PBX3: variants seen among roughly 807,000 people sequenced by gnomAD.
PBX3 encodes pre-B-cell leukemia transcription factor 3.
Under a neutral mutation model 48.5 loss-of-function variants are expected in PBX3, and 14 were observed. That is an observed-to-expected ratio of 0.29 (90% confidence interval 0.19 to 0.45). PBX3 has a LOEUF of 0.45. Ranked by LOEUF, PBX3 falls within the 20% of genes least tolerant of loss-of-function variation. The pLI is 1.00. For missense variants in PBX3, 386 were observed against 546.7 expected, an observed-to-expected ratio of 0.71 and a Z score of 2.93; for synonymous variants, 210 against 200.3, an observed-to-expected ratio of 1.05 and a Z score of -0.41.
At chr9:125,888,386 G>C (rs10121603) in intron 2 of PBX3, among the ~76,000 whole-genome samples, 1 of 152,066 alleles carries the variant, frequency 6.6e-6, no homozygotes, top group Non-Finnish European at 1.5e-5. Flanking sequence ...AGACAAATAC[G>C]TGTAAGGTTA....
chr9:125,776,741 G>A (rs967873600), intron 2 of PBX3, among the ~76,000 whole-genome samples: 1 of 151,760 alleles, frequency 6.6e-6, no homozygotes, highest in African/African-American at 2.4e-5. Context: ...ACGGGGTTTT[G>A]CCATGTTCCC....
chr9:125,940,750 A>C (rs1841943914), intron 5 of PBX3, among the ~76,000 whole-genome samples: 1 of 152,248 alleles, frequency 6.6e-6, no homozygotes, highest in Non-Finnish European at 1.5e-5. Flanking sequence ...AAATGGAAAA[A>C]CTTGATTTCA....
chr9:125,842,467 T>A (rs1839314566), intron 2 of PBX3, among the ~76,000 whole-genome samples: 1 of 152,182 alleles, frequency 6.6e-6, no homozygotes, highest in Admixed American at 6.6e-5. Flanking sequence ...GCACACCCAG[T>A]GTTTTCATTT....
At chr9:125,884,138 G>C (rs1840445027) in intron 2 of PBX3, among the ~76,000 whole-genome samples, 1 of 152,174 alleles carries the variant, frequency 6.6e-6, no homozygotes, top group Admixed American at 6.5e-5. Flanking sequence ...GAGGATTGGG[G>C]GCTGTGTGAA....
chr9:125,750,050 A>G (rs1588113483), intron 2 of PBX3, among the ~76,000 whole-genome samples: 1 of 152,186 alleles, frequency 6.6e-6, no homozygotes, highest in Admixed American at 6.5e-5. Context: ...TTTTTATCTG[A>G]CTGTAAAATA....
chr9:125,948,369 T>C (rs1380515155), intron 5 of PBX3, among the ~76,000 whole-genome samples: 2 of 152,182 alleles, frequency 1.3e-5, no homozygotes, highest in African/African-American at 4.8e-5. Context: ...AGTAAATAAA[T>C]TTTAAACAGT....
At chr9:125,863,437 C>T (rs1051696592) in intron 2 of PBX3, among the ~76,000 whole-genome samples, 1 of 151,544 alleles carries the variant, frequency 6.6e-6, no homozygotes, top group Non-Finnish European at 1.5e-5. Flanking sequence ...GTCTCGATCT[C>T]TTGACCTTGT....
intron 5 of PBX3, among the ~76,000 whole-genome samples, chr9:125,959,086 A>T (rs1158042306): frequency 6.6e-6 from 1 of 152,240 alleles, no homozygotes; most frequent in Non-Finnish European, 1.5e-5. Flanking sequence ...TGCCAGTATA[A>T]CCACTCCCAT....
chr9:125,919,271 T>G (rs1209360473), intron 3 of PBX3, among the ~76,000 whole-genome samples: 1 of 151,788 alleles, frequency 6.6e-6, no homozygotes, highest in Non-Finnish European at 1.5e-5. Flanking sequence ...TGGAGTGCAG[T>G]GGTGCAATCT....
chr9:125,836,371 G>A (rs1839135284), intron 2 of PBX3, among the ~76,000 whole-genome samples: 1 of 152,160 alleles, frequency 6.6e-6, no homozygotes, highest in South Asian at 2.1e-4. Context: ...CATGAACCCG[G>A]GAAGCGGAGC....
intron 2 of PBX3, among the ~76,000 whole-genome samples, chr9:125,804,252 A>G (rs1373029339): frequency 1.3e-5 from 2 of 152,248 alleles, no homozygotes; most frequent in African/African-American, 2.4e-5. Context: ...TCTTAGGTCT[A>G]TGCATTTCTT....
At chr9:125,890,101 A>T (rs186557222) in intron 2 of PBX3, among the ~76,000 whole-genome samples, 69 of 152,222 alleles carry the variant, frequency 4.5e-4, no homozygotes, top group African/African-American at 1.5e-3. Context: ...TCCAAACCAG[A>T]AACTTGATTT....
At chr9:125,749,273 T>C (rs770118744) in intron 2 of PBX3, 3 of 152,230 alleles carry the variant, frequency 2.0e-5, no homozygotes, top group African/African-American at 7.2e-5. Context: ...GGTTAAACAA[T>C]TTTGAAGTGT....
chr9:125,898,461 TA>T (rs1206984597), intron 2 of PBX3, among the ~76,000 whole-genome samples: 2 of 120,272 alleles, frequency 1.7e-5, no homozygotes, highest in East Asian at 2.4e-4. Context: ...AAAAAAAAAA[TA>T]AAAAAAAGGG....
At chr9:125,782,740 G>C (rs1837355689) in intron 2 of PBX3, among the ~76,000 whole-genome samples, 1 of 152,106 alleles carries the variant, frequency 6.6e-6, no homozygotes, top group Admixed American at 6.5e-5. Flanking sequence ...GCGTAGGTAG[G>C]TCTACTAACA....
intron 4 of PBX3, among the ~76,000 whole-genome samples, chr9:125,933,149 G>A (rs911290471): frequency 1.2e-4 from 18 of 152,212 alleles, no homozygotes; most frequent in Admixed American, 1.2e-3. Flanking sequence ...ATCTATTCTT[G>A]TAGTGCCTCC....
At chr9:125,911,947 C>G (rs1391956274) in intron 2 of PBX3, among the ~76,000 whole-genome samples, 1 of 152,108 alleles carries the variant, frequency 6.6e-6, no homozygotes, top group Admixed American at 6.6e-5. Context: ...TAATTCAGGA[C>G]CACGTGTAGA....
At chr9:125,918,882 G>T (rs561027152) in intron 3 of PBX3, among the ~76,000 whole-genome samples, 1 of 152,274 alleles carries the variant, frequency 6.6e-6, no homozygotes, top group South Asian at 2.1e-4. Flanking sequence ...TATCTGGATG[G>T]TCCTTTCAGA....
intron 2 of PBX3, among the ~76,000 whole-genome samples, chr9:125,904,590 CCGTTTTATTGCT>C (rs1336497979): frequency 4.0e-4 from 61 of 151,916 alleles, no homozygotes; most frequent in African/African-American, 1.4e-3. Flanking sequence ...AGTGAGGTTG[CCGTTTTATTGCT>C]CTCCGACTTC....
Sources: gnomAD v4.1 joint callset for allele counts (sites outside exome capture counted in the v4.1 genomes callset) on GRCh38, gnomAD v4.1.1 for gene constraint, MANE v1.5 for transcripts, NCBI Gene and HGNC (gene_info 2026-07-23, HGNC 2026-07-21) for gene names.